Variants in DCC observed in about 807,000 individuals in gnomAD.
DCC encodes the protein DCC netrin 1 receptor.
DCC carries 58 observed loss-of-function variants against 172.5 expected under a neutral mutation model. That is an observed-to-expected ratio of 0.34 (90% CI 0.27 to 0.42). The LOEUF (loss-of-function observed/expected upper bound fraction) is 0.42, where lower values mean the gene tolerates loss of function less well. Among genes scored for constraint, DCC ranks in the 10% least tolerant of loss-of-function variants. DCC has a pLI of 1.00. For synonymous variants in DCC, 709 were observed against 644.5 expected (o/e 1.10, Z -1.52); for missense variants, 1,740 against 1,791.0 (o/e 0.97, Z 0.51).
intron 2 of DCC, among the ~76,000 whole-genome samples, chr18:52,783,323 C>CCT (rs2037586614): frequency 1.7e-5 from 1 of 59,270 alleles, no homozygotes; most frequent in Non-Finnish European, 2.8e-5. Context: ...TACTACTACT[C>CCT]TTTTTTTTTT....
intron 25 of DCC, among the ~76,000 whole-genome samples, chr18:53,484,304 T>C (rs2045876364): frequency 6.6e-6 from 1 of 151,986 alleles, no homozygotes; most frequent in Non-Finnish European, 1.5e-5. Flanking sequence ...CCAAAATTTA[T>C]CAGCAATTTT....
chr18:53,159,008 A>AAAAAAAAAAAAG lies in DCC; in HGVS notation c.1418+1496_1418+1497insAAAAAAAAAAAG, dbSNP rs34406723. On this transcript the variant is annotated intron_variant, in intron 8 of 28. Transcript: ENST00000442544. ...CATCTCAAAAAAAAAAAAAAAAAGAAGAAGATGTAGGCATACCCATATTGC... is the reference window on the plus strand; with the variant it reads ...CATCTCAAAAAAAAAAAAAAAAAGAAAAAAAAAAAAAGGAAGATGTAGGCATACCCATATTGC... 4.5e-4 allele frequency among the ~76,000 whole-genome samples: 54 copies of AAAAAAAAAAAAG among 119,162 alleles called. 4 individuals are homozygous for AAAAAAAAAAAAG. The highest frequency in any genetic ancestry group is 1.3e-3 in the African/African-American group (40 of 30,658). The allele number at this position is 119,162 out of a possible 152,430, so 78.2% of individuals were successfully genotyped here.
intron 5 of DCC, among the ~76,000 whole-genome samples, chr18:53,038,306 T>C (rs564798989): frequency 7.2e-5 from 11 of 152,104 alleles, no homozygotes; most frequent in African/African-American, 2.4e-4. Context: ...TTGTGTTAGA[T>C]TGGGCTGCTG....
chr18:52,875,393 GTTGGTAGCA>G (rs1431019147), intron 2 of DCC, among the ~76,000 whole-genome samples: 1 of 152,124 alleles, frequency 6.6e-6, no homozygotes, highest in Non-Finnish European at 1.5e-5. Context: ...CCAAAGAAAA[GTTGGTAGCA>G]TTACAATCTG....
chr18:53,243,867 T>A lies in DCC; in HGVS notation c.1911+28270T>A, dbSNP rs191566348. ...CTTCTCTTTCTTTTTATTAAATATT[T>A]TATAAACTCAACACACAAATCTTCT... On this transcript the variant is annotated intron_variant, in intron 12 of 28. Coordinates refer to ENST00000442544, the MANE Select transcript of DCC (RefSeq NM_005215.4). Among the ~76,000 whole-genome samples the A allele has an allele frequency of 2.3e-3, 353 of 152,284 alleles. 1 individual carries two copies. Among genetic ancestry groups the A allele is most frequent in the African/African-American group, 7.1e-3 (297 of 41,564 alleles).
At chr18:52,864,840 C>T (rs1030996280) in intron 2 of DCC, among the ~76,000 whole-genome samples, 4 of 151,772 alleles carry the variant, frequency 2.6e-5, no homozygotes, top group Non-Finnish European at 5.9e-5. Context: ...ATCCATGTCC[C>T]TGCAAAGGAT....
intron 5 of DCC, among the ~76,000 whole-genome samples, chr18:53,051,103 G>A (rs373087045): frequency 2.0e-5 from 3 of 152,042 alleles, no homozygotes; most frequent in South Asian, 2.1e-4. Context: ...GGTGGCGTGC[G>A]CCTGTAATCT....
intron 1 of DCC, among the ~76,000 whole-genome samples, chr18:52,467,661 C>T (rs1426430237): frequency 1.3e-5 from 2 of 152,184 alleles, no homozygotes; most frequent in Admixed American, 6.5e-5. Flanking sequence ...TACATTCCCA[C>T]CAACAGCGTA....
At chr18:52,995,281 C>T (rs2041460187) in intron 5 of DCC, among the ~76,000 whole-genome samples, 1 of 152,068 alleles carries the variant, frequency 6.6e-6, no homozygotes, top group African/African-American at 2.4e-5. Flanking sequence ...TGTCAGGCTT[C>T]TTCTTATCCA....
intron 24 of DCC, among the ~76,000 whole-genome samples, chr18:53,460,894 C>G (rs1014600510): frequency 2.6e-5 from 4 of 152,080 alleles, no homozygotes; most frequent in Admixed American, 6.5e-5. Flanking sequence ...TACAGTCCCA[C>G]CAACAGTGTA....
At chr18:52,920,255 C>T (rs1399054614) in intron 3 of DCC, among the ~76,000 whole-genome samples, 2 of 151,794 alleles carry the variant, frequency 1.3e-5, no homozygotes, top group East Asian at 1.9e-4. Flanking sequence ...ACAAAAGATA[C>T]TTTTAAAAGA....
intron 7 of DCC, among the ~76,000 whole-genome samples, chr18:53,076,390 T>C (rs1490201054): frequency 2.0e-5 from 3 of 152,110 alleles, no homozygotes; most frequent in African/African-American, 7.2e-5. Flanking sequence ...TGGCCATTGA[T>C]CTAGACATAT....
At chr18:52,469,291 C>T (rs1044200585) in intron 1 of DCC, among the ~76,000 whole-genome samples, 20 of 152,110 alleles carry the variant, frequency 1.3e-4, no homozygotes, top group African/African-American at 4.6e-4. Flanking sequence ...GTCCTGAGCT[C>T]AGGCCATCTG....
chr18:52,846,067 C>T (rs1255474704), intron 2 of DCC, among the ~76,000 whole-genome samples: 1 of 152,192 alleles, frequency 6.6e-6, no homozygotes, highest in African/African-American at 2.4e-5. Context: ...GCATAGTTAA[C>T]ATCTATTTCA....
intron 2 of DCC, among the ~76,000 whole-genome samples, chr18:52,888,598 T>C (rs999977813): frequency 3.3e-5 from 5 of 152,104 alleles, no homozygotes; most frequent in African/African-American, 9.7e-5. Context: ...AAGTGTTCTA[T>C]TCTATAAAGG....
In DCC at chr18:52,781,878, T is replaced by A. The variant is rs557523160; in HGVS notation, c.412+29504T>A. On this transcript the variant is annotated intron_variant, in intron 2 of 28. Transcript: ENST00000442544. ...AAAGCTTATATTACTTTGTTTTTTT[T>A]ATACTACCAGGGCATATTTTAAAGT... 5.0e-4 allele frequency among the ~76,000 whole-genome samples: 76 copies of A among 152,272 alleles called. 1 individual carries two copies. Among genetic ancestry groups the A allele is most frequent in the Admixed American group, 2.7e-3 (42 of 15,288 alleles).
intron 15 of DCC, 50 bp downstream of exon 15, chr18:53,339,957 T>C (rs746780328): frequency 2.6e-6 from 4 of 1,510,046 alleles, no homozygotes; most frequent in East Asian, 2.3e-5. Context: ...TAATGATTTA[T>C]TTTGAATTAT....
At chr18:53,460,290 T>C (rs866412136) in intron 24 of DCC, among the ~76,000 whole-genome samples, 355 of 141,734 alleles carry the variant, frequency 2.5e-3, no homozygotes, top group African/African-American at 8.4e-3. Context: ...TTTTTTTTTT[T>C]TTTTTTTTTT....
intron 9 of DCC, among the ~76,000 whole-genome samples, chr18:53,182,829 G>A (rs2055216987): frequency 1.3e-5 from 2 of 151,420 alleles, no homozygotes; most frequent in Admixed American, 6.6e-5. Context: ...CCTCCTTCCC[G>A]CCATCCTTCC....
Sources: gnomAD v4.1 joint callset for allele counts (sites outside exome capture counted in the v4.1 genomes callset) on GRCh38, gnomAD v4.1.1 for gene constraint, MANE v1.5 for transcripts, NCBI Gene and HGNC (gene_info 2026-07-23, HGNC 2026-07-21) for gene names.